Variants in TENT5C observed in about 807,000 individuals in gnomAD.
The protein encoded by TENT5C is family with sequence similarity 46 member C.
In TENT5C, 5 loss-of-function variants were observed where a neutral mutation model predicts 22.2. The observed-to-expected ratio is 0.22, with a 90% CI of 0.12 to 0.47. The LOEUF is 0.47. Ranked by LOEUF, TENT5C falls within the 20% of genes least tolerant of loss-of-function variation. The pLI is 0.99. For synonymous variants in TENT5C, 199 were observed against 195.4 expected, an observed-to-expected ratio of 1.02 and a Z score of -0.15; for missense variants, 364 against 500.9, an observed-to-expected ratio of 0.73 and a Z score of 2.61.
At chr1:117,609,481 T>G (rs955135709) in intron 1 of TENT5C, among the ~76,000 whole-genome samples, 1 of 152,030 alleles carries the variant, frequency 6.6e-6, no homozygotes, top group Non-Finnish European at 1.5e-5. Flanking sequence ...AGTCTTGGAG[T>G]CTTGGTCACA....
intron 1 of TENT5C, among the ~76,000 whole-genome samples, chr1:117,607,203 G>A (rs1196567730): frequency 6.6e-6 from 1 of 152,166 alleles, no homozygotes; most frequent in Non-Finnish European, 1.5e-5. Context: ...AGAAATGAAT[G>A]CCTGGCGAGC....
intron 1 of TENT5C, among the ~76,000 whole-genome samples, chr1:117,613,806 A>G (rs1653719952): frequency 6.6e-6 from 1 of 152,102 alleles, no homozygotes; most frequent in African/African-American, 2.4e-5. Context: ...GAAAAGACCA[A>G]CTGTGGGGTT....
At position 117,621,709 on chromosome 1, in the gene TENT5C, T is replaced by C. The variant is rs372172633; in HGVS notation, c.-27-1133T>C. On this transcript the variant is annotated intron_variant, in intron 1 of 1. Transcript: ENST00000369448. ...AGGCGGAGGGGGTGGGAAAACTGTT[T>C]ACAGTGAAATCTGAGGACAGCGCCT... is the stretch of plus-strand genomic sequence containing the variant. 3.3e-5 allele frequency among the ~76,000 whole-genome samples: 5 copies of C among 152,278 alleles called. No individual in the cohort carries two copies. The East Asian group carries it at 9.7e-4, about 29-fold the overall frequency.
At chr1:117,609,627 G>C (rs1653622307) in intron 1 of TENT5C, among the ~76,000 whole-genome samples, 2 of 152,234 alleles carry the variant, frequency 1.3e-5, no homozygotes. Context: ...CTTTGGAAGA[G>C]CTCTGGATGC....
intron 1 of TENT5C, among the ~76,000 whole-genome samples, chr1:117,617,615 A>G (rs7528024): frequency 1.3e-5 from 2 of 152,230 alleles, no homozygotes; most frequent in Non-Finnish European, 2.9e-5. Context: ...AAACACTTTA[A>G]TTTGAATTTA....
chr1:117,620,670 C>G (rs1448577355), intron 1 of TENT5C, among the ~76,000 whole-genome samples: 1 of 152,160 alleles, frequency 6.6e-6, no homozygotes, highest in Non-Finnish European at 1.5e-5. Context: ...GCGAGCATTA[C>G]CACCGGAGCT....
In TENT5C at chr1:117,625,463, T is replaced by C. The variant is rs967631164; in HGVS notation, c.*1419T>C. On this transcript the variant is annotated 3_prime_UTR_variant, in exon 2 of 2. Coordinates refer to ENST00000369448, the MANE Select transcript of TENT5C (RefSeq NM_017709.4). ...AGTAGATGAGAGAGTTCTAGGCTAC[T>C]GTGGCTTTTTCCAGTAGATTTAGAT... 4.0e-6 allele frequency: 1 copy of C among 248,084 alleles called. No individual in the cohort carries two copies. Among genetic ancestry groups the C allele is most frequent in the Non-Finnish European group, 8.5e-6 (1 of 118,132 alleles). 15.4% of individuals were successfully genotyped at this position (248,084 alleles called of 1,614,324 possible).
chr1:117,617,264 T>A (rs1653806885), intron 1 of TENT5C, among the ~76,000 whole-genome samples: 1 of 152,160 alleles, frequency 6.6e-6, no homozygotes, highest in Non-Finnish European at 1.5e-5. Context: ...GTTGAGCAGC[T>A]CTGTCCTGGG....
At chr1:117,618,102 C>T (rs765414050) in intron 1 of TENT5C, among the ~76,000 whole-genome samples, 2 of 152,152 alleles carry the variant, frequency 1.3e-5, no homozygotes, top group Non-Finnish European at 2.9e-5. Flanking sequence ...TTTGTCATGT[C>T]CCACACTGTG....
chr1:117,617,248 A>G (rs761862339), intron 1 of TENT5C, among the ~76,000 whole-genome samples: 2 of 152,142 alleles, frequency 1.3e-5, no homozygotes, highest in Non-Finnish European at 2.9e-5. Flanking sequence ...TTTCAGACCA[A>G]TCTGCGTTGA....
intron 1 of TENT5C, among the ~76,000 whole-genome samples, chr1:117,613,407 G>T (rs758639321): frequency 6.6e-6 from 1 of 152,250 alleles, no homozygotes; most frequent in South Asian, 2.1e-4. Flanking sequence ...GCTGTTTTGC[G>T]GCCACAGCAT....
At position 117,624,204 on chromosome 1, in the gene TENT5C, G is replaced by T. The variant is rs1394264182; in HGVS notation, c.*160G>T. 1.2e-5 allele frequency: 8 copies of T among 652,924 alleles called. No homozygotes were observed. Among genetic ancestry groups the T allele is most frequent in the Middle Eastern group, 8.5e-4 (2 of 2,364 alleles). The allele number at this position is 652,924 out of a possible 1,614,324, so 40.4% of individuals were successfully genotyped here. ...TTCCTTTGTGTACCCATTGGAATGG[G>T]TCTACAGTGTATCATGAGCCAACCC... On this transcript the variant is annotated 3_prime_UTR_variant, in exon 2 of 2. Coordinates refer to ENST00000369448, the MANE Select transcript of TENT5C (RefSeq NM_017709.4).
In TENT5C at chr1:117,623,467, A is replaced by T; in HGVS notation, c.599A>T (p.Asn200Ile). 1.2e-6 allele frequency: 2 copies of T among 1,613,988 alleles called. No individual in the cohort carries two copies. Among genetic ancestry groups the T allele is most frequent in the Non-Finnish European group, 1.7e-6 (2 of 1,179,998 alleles). Residue 200 changes from asparagine to isoleucine, a missense_variant, in exon 2 of 2, where the codon AAT (asparagine) becomes ATT (isoleucine). Physicochemically the swap from Asn to Ile is moderately radical, Grantham distance 149 (BLOSUM62 -3). Transcript: ENST00000369448. ...SLLFFYDCSN[N>I]PISEHFHPTV... ...CTTTTCTTCTATGACTGTTCCAATA[A>T]TCCCATCTCTGAGCACTTCCACCCC... is the stretch of plus-strand genomic sequence containing the variant.
Position 117,623,693 on chromosome 1 carries a change from C to T in TENT5C, c.825C>T (p.Phe275=). Residue 275 remains phenylalanine (F), a synonymous_variant, in exon 2 of 2, where the codon TTC becomes TTT. Transcript: ENST00000369448. ...TLERYMCSRF[F]IDFPDILEQQ... is the part of the protein sequence containing the mutation. The stretch of plus-strand genomic sequence containing the variant: ...AGCGCTACATGTGCTCCAGGTTCTT[C>T]ATCGACTTCCCGGACATCCTTGAAC... 1.2e-6 allele frequency: 2 copies of T among 1,614,134 alleles called. No homozygotes were observed. The highest frequency in any genetic ancestry group is 1.7e-6 in the Non-Finnish European group (2 of 1,180,018).
Position 117,627,361 on chromosome 1 carries a change from C to G in TENT5C, c.*3317C>G, listed in dbSNP as rs1387181209. 1 of 248,058 alleles carries G rather than the reference C, an allele frequency of 4.0e-6. No homozygotes were observed. Among genetic ancestry groups the G allele is most frequent in the Non-Finnish European group, 8.5e-6 (1 of 118,128 alleles). The allele number at this position is 248,058 out of a possible 1,614,324, so 15.4% of individuals were successfully genotyped here. ...CCCTTATGGTACGTCAGGATTTTAA[C>G]TAGTACTGCTTTGTTGACTTTGGGA... On this transcript the variant is annotated 3_prime_UTR_variant, in exon 2 of 2. Transcript: ENST00000369448.
chr1:117,623,384 C>A lies in TENT5C; in HGVS notation c.516C>A (p.Ser172=). The change falls in exon 2 of 2, where the codon TCC becomes TCA. Residue 172 remains serine (S), a synonymous_variant. Transcript: ENST00000369448. The part of the protein sequence containing the change: ...GKNVELKFVD[S]IRRQFEFSVD... ...ACGTGGAGCTGAAGTTTGTCGACTCCATTCGGCGTCAGTTTGAGTTCAGTG... is the reference window on the plus strand; with the variant it reads ...ACGTGGAGCTGAAGTTTGTCGACTCAATTCGGCGTCAGTTTGAGTTCAGTG... 6.2e-7 allele frequency: 1 copy of A among 1,614,146 alleles called. No individual in the cohort carries two copies. The highest frequency in any genetic ancestry group is 1.3e-5 in the African/African-American group (1 of 75,026).
chr1:117,615,061 A>G (rs1399921354), intron 1 of TENT5C, among the ~76,000 whole-genome samples: 1 of 152,214 alleles, frequency 6.6e-6, no homozygotes, highest in Non-Finnish European at 1.5e-5. Context: ...TGCAGTTTCT[A>G]TGCTGACAGT....
intron 1 of TENT5C, among the ~76,000 whole-genome samples, chr1:117,609,775 C>T (rs1653625700): frequency 6.6e-6 from 1 of 152,182 alleles, no homozygotes; most frequent in Non-Finnish European, 1.5e-5. Context: ...ATAGAGCTGG[C>T]CTGGCACACA....
rs901967646 is a variant in TENT5C, at chr1:117,625,144, G to A, written c.*1100G>A. On this transcript the variant is annotated 3_prime_UTR_variant, in exon 2 of 2. Coordinates refer to ENST00000369448, the MANE Select transcript of TENT5C (RefSeq NM_017709.4). The stretch of plus-strand genomic sequence containing the variant: ...CAAAAATAGTGACTTCCTTCTCCAG[G>A]TGTGTTTGACAGCAACTCAATTCAG... 1.6e-4 allele frequency: 40 copies of A among 247,512 alleles called. No individual in the cohort carries two copies. Among genetic ancestry groups the A allele is most frequent in the Middle Eastern group, 1.3e-3 (1 of 788 alleles). The allele number at this position is 247,512 out of a possible 1,614,324, so 15.3% of individuals were successfully genotyped here. A position where few individuals can be genotyped will look rare whatever the true frequency, so the allele number is the denominator to read the frequency against.
Sources: allele counts gnomAD v4.1 joint callset (sites outside exome capture counted in the v4.1 genomes callset), GRCh38; gene constraint gnomAD v4.1.1; transcripts MANE v1.5; gene names NCBI Gene and HGNC (gene_info 2026-07-23, HGNC 2026-07-21).